WWOX: variants seen among roughly 807,000 people sequenced by gnomAD.
The protein encoded by WWOX is WW domain containing oxidoreductase, also known as WW domain-containing oxidoreductase.
WWOX carries 69 observed loss-of-function variants against 46.2 expected under a neutral mutation model. The observed-to-expected ratio is 1.49, with a 90% CI of 1.23 to 1.82. WWOX has a LOEUF of 1.82. Among genes scored for constraint, WWOX ranks in the 40% most tolerant of loss-of-function variants. The pLI, the probability that WWOX is intolerant of heterozygous loss-of-function variation, is 0.00. For missense variants in WWOX, 919 were observed against 542.6 expected, an observed-to-expected ratio of 1.69 and a Z score of -6.89; for synonymous variants, 359 against 202.6, an observed-to-expected ratio of 1.77 and a Z score of -6.56.
intron 5 of WWOX, among the ~76,000 whole-genome samples, chr16:78,232,974 T>G (rs1227650801): frequency 6.6e-6 from 1 of 152,206 alleles, no homozygotes; most frequent in Non-Finnish European, 1.5e-5. Flanking sequence ...CCCAAGTTGC[T>G]GGGACTACAG....
rs910513912 is a variant in WWOX, at chr16:79,207,722, C to T, written c.1057-3886C>T. 2.6e-5 allele frequency among the ~76,000 whole-genome samples: 4 copies of T among 152,094 alleles called. No homozygotes were observed. In the South Asian group the frequency reaches 8.3e-4, roughly 31 times the overall value. On this transcript the variant is annotated intron_variant, in intron 8 of 8. Coordinates refer to ENST00000566780, the MANE Select transcript of WWOX (RefSeq NM_016373.4). Reference sequence around the variant, plus strand: ...AACCTGAAAGCAAAACACGGTGTAACATGTGTCCCTGTGAGTATTATATTA... The same window carrying T: ...AACCTGAAAGCAAAACACGGTGTAATATGTGTCCCTGTGAGTATTATATTA...
At chr16:78,828,398 A>T (rs1471784470) in intron 8 of WWOX, among the ~76,000 whole-genome samples, 2 of 152,128 alleles carry the variant, frequency 1.3e-5, no homozygotes, top group Non-Finnish European at 2.9e-5. Context: ...CATTTAGGCA[A>T]TATGACCGTG....
chr16:79,025,880 C>T lies in WWOX; in HGVS notation c.1057-185728C>T, dbSNP rs189549673. Reference sequence around the variant, plus strand: ...ACGGCACAATCTTGGTTCACTGCAGCCTCCGCCTCCTGGGTTCAAGTGATT... The same window carrying T: ...ACGGCACAATCTTGGTTCACTGCAGTCTCCGCCTCCTGGGTTCAAGTGATT... On this transcript the variant is annotated intron_variant, in intron 8 of 8. Coordinates refer to ENST00000566780, the MANE Select transcript of WWOX (RefSeq NM_016373.4). Among the ~76,000 whole-genome samples, 137 of 139,632 alleles carry T rather than the reference C, an allele frequency of 9.8e-4. 1 individual carries two copies. The highest frequency in any genetic ancestry group is 3.0e-3 in the African/African-American group (111 of 37,034). The allele number at this position is 139,632 out of a possible 152,430, so 91.6% of individuals were successfully genotyped here.
chr16:78,321,941 T>G (rs1343084115), intron 5 of WWOX, among the ~76,000 whole-genome samples: 1 of 152,174 alleles, frequency 6.6e-6, no homozygotes, highest in African/African-American at 2.4e-5. Flanking sequence ...AGTGGTTGTT[T>G]AACACCTGCA....
chr16:78,524,917 G>A (rs1278052964), intron 8 of WWOX, among the ~76,000 whole-genome samples: 50 of 141,446 alleles, frequency 3.5e-4, no homozygotes, highest in African/African-American at 1.3e-3. Flanking sequence ...CCAGGCTGGA[G>A]TGCAGTGACG....
intron 5 of WWOX, among the ~76,000 whole-genome samples, chr16:78,215,667 C>A (rs891696882): frequency 6.6e-6 from 1 of 152,100 alleles, no homozygotes; most frequent in East Asian, 1.9e-4. Flanking sequence ...GTGGCTCATG[C>A]CTGTAATCCC....
intron 4 of WWOX, among the ~76,000 whole-genome samples, chr16:78,135,028 T>C (rs991080104): frequency 6.6e-6 from 1 of 152,162 alleles, no homozygotes; most frequent in Non-Finnish European, 1.5e-5. Flanking sequence ...CACCTGCGCA[T>C]TGAAAAATCC....
intron 5 of WWOX, among the ~76,000 whole-genome samples, chr16:78,375,638 A>G (rs2081801725): frequency 6.6e-6 from 1 of 152,146 alleles, no homozygotes; most frequent in East Asian, 1.9e-4. Flanking sequence ...ACCTTTTTGG[A>G]GGACCCTCAG....
chr16:78,159,413 C>G (rs545412489), intron 4 of WWOX, among the ~76,000 whole-genome samples: 5 of 152,160 alleles, frequency 3.3e-5, no homozygotes, highest in South Asian at 4.2e-4. Flanking sequence ...AATGGTTGCA[C>G]CAATTTACAT....
At chr16:78,989,865 A>G (rs2046851087) in intron 8 of WWOX, among the ~76,000 whole-genome samples, 1 of 129,502 alleles carries the variant, frequency 7.7e-6, no homozygotes, top group Non-Finnish European at 1.7e-5. Flanking sequence ...TGATTGAGAG[A>G]GAGAGAGACA....
At chr16:78,792,059 C>A (rs7185984) in intron 8 of WWOX, among the ~76,000 whole-genome samples, 39,024 of 151,964 alleles carry the variant, frequency 0.26, 5,243 homozygotes, top group Admixed American at 0.33. Flanking sequence ...GTCAGCTTAG[C>A]CCTGTCCCTG....
chr16:78,574,705 A>T (rs1385127196), intron 8 of WWOX, among the ~76,000 whole-genome samples: 1 of 151,850 alleles, frequency 6.6e-6, no homozygotes, highest in South Asian at 2.1e-4. Context: ...ACACAGACAG[A>T]CAAAGACATA....
At chr16:78,380,019 A>G (rs77318896) in intron 5 of WWOX, among the ~76,000 whole-genome samples, 1 of 152,206 alleles carries the variant, frequency 6.6e-6, no homozygotes, top group Non-Finnish European at 1.5e-5. Flanking sequence ...TTAGTCCTGT[A>G]AATGTTTTCT....
chr16:78,710,492 ATATATATT>A (rs1413299790), intron 8 of WWOX, among the ~76,000 whole-genome samples: 5 of 134,882 alleles, frequency 3.7e-5, no homozygotes, highest in South Asian at 4.5e-4. Flanking sequence ...ATATATATAT[ATATATATT>A]TATATAAATA....
intron 8 of WWOX, among the ~76,000 whole-genome samples, chr16:79,055,051 A>G (rs992286817): frequency 6.6e-6 from 1 of 152,212 alleles, no homozygotes; most frequent in Non-Finnish European, 1.5e-5. Flanking sequence ...ATATTTCGTC[A>G]GAGACCTAAA....
chr16:78,803,748 C>A (rs2050956203), intron 8 of WWOX, among the ~76,000 whole-genome samples: 1 of 152,100 alleles, frequency 6.6e-6, no homozygotes, highest in African/African-American at 2.4e-5. Context: ...CATGACCCAT[C>A]GTGTCCAGCC....
intron 8 of WWOX, among the ~76,000 whole-genome samples, chr16:79,027,060 A>C (rs6564634): frequency 0.46 from 68,825 of 151,192 alleles, 16,302 homozygotes; most frequent in East Asian, 0.67. Context: ...CAGGAGGATC[A>C]CGTGAGCCCA....
At chr16:78,354,119 G>A (rs574033257) in intron 5 of WWOX, among the ~76,000 whole-genome samples, 5 of 152,094 alleles carry the variant, frequency 3.3e-5, no homozygotes, top group Non-Finnish European at 5.9e-5. Context: ...GTTCCAGTGG[G>A]TTCATCTGTG....
intron 8 of WWOX, among the ~76,000 whole-genome samples, chr16:78,841,226 T>C (rs529451491): frequency 6.6e-6 from 1 of 152,310 alleles, no homozygotes; most frequent in South Asian, 2.1e-4. Context: ...GGTGTTTTGT[T>C]CCAGTCTTTT....
Sources: allele counts gnomAD v4.1 joint callset (sites outside exome capture counted in the v4.1 genomes callset), GRCh38; gene constraint gnomAD v4.1.1; transcripts MANE v1.5; gene names NCBI Gene and HGNC (gene_info 2026-07-23, HGNC 2026-07-21).